Variants in CMSS1 observed in about 807,000 individuals in gnomAD.
CMSS1 encodes the protein protein CMSS1.
CMSS1 carries 33 observed loss-of-function variants against 43.5 expected under a neutral mutation model. The observed-to-expected ratio is 0.76, with a 90% CI of 0.57 to 1.01. The LOEUF (loss-of-function observed/expected upper bound fraction) is 1.01, where lower values mean the gene tolerates loss of function less well. CMSS1 is among the 50% of genes least tolerant of loss of function. The pLI, the probability that CMSS1 is intolerant of heterozygous loss-of-function variation, is 0.00. For missense variants in CMSS1, 313 were observed against 326.4 expected, an observed-to-expected ratio of 0.96 and a Z score of 0.32; for synonymous variants, 115 against 117.2, an observed-to-expected ratio of 0.98 and a Z score of 0.12.
At chr3:99,971,269 C>T (rs567454318) in intron 1 of CMSS1, among the ~76,000 whole-genome samples, 90 of 149,406 alleles carry the variant, frequency 6.0e-4, no homozygotes, top group Admixed American at 1.9e-3. Context: ...GAACCCGGGG[C>T]GCGGAGCTTG....
In CMSS1 at chr3:99,932,528, G is replaced by A. The variant is rs146876572; in HGVS notation, c.64+114485G>A. On this transcript the variant is annotated intron_variant, in intron 1 of 9. Coordinates refer to ENST00000421999, the MANE Select transcript of CMSS1 (RefSeq NM_032359.4). ...AAAAAATGCTACTTCAAACATTCTT[G>A]CACATTTTTTTCCCTTGTGTTAGGT... is the stretch of plus-strand genomic sequence containing the variant. Among the ~76,000 whole-genome samples the A allele has an allele frequency of 7.9e-5, 12 of 151,620 alleles. No individual in the cohort carries two copies. In the East Asian group the frequency reaches 1.7e-3, roughly 22 times the overall value.
At position 99,849,016 on chromosome 3, in the gene CMSS1, A is replaced by G. The variant is rs776867482; in HGVS notation, c.64+30973A>G. ...GCTTAGGACTAGATCTCCAGGTTGCACAAAGTTGGCATTGGGTTTAGTTTG... is the reference window on the plus strand; with the variant it reads ...GCTTAGGACTAGATCTCCAGGTTGCGCAAAGTTGGCATTGGGTTTAGTTTG... On this transcript the variant is annotated intron_variant, in intron 1 of 9. Coordinates refer to ENST00000421999, the MANE Select transcript of CMSS1 (RefSeq NM_032359.4). 1.9e-6 allele frequency: 3 copies of G among 1,614,048 alleles called. No homozygotes were observed. The highest frequency in any genetic ancestry group is 2.7e-5 in the African/African-American group (2 of 74,920).
At chr3:99,874,662 A>G (rs1275306389) in intron 1 of CMSS1, among the ~76,000 whole-genome samples, 1 of 152,250 alleles carries the variant, frequency 6.6e-6, no homozygotes, top group African/African-American at 2.4e-5. Context: ...TGAGGCAAAA[A>G]TGATAGGCAC....
At chr3:100,156,849 T>G (rs1216980849) in intron 2 of CMSS1, among the ~76,000 whole-genome samples, 9 of 151,708 alleles carry the variant, frequency 5.9e-5, no homozygotes, top group African/African-American at 2.2e-4. Flanking sequence ...TCTCCTGACC[T>G]CGTGATCCAC....
chr3:100,119,500 G>A (rs1292911221), intron 1 of CMSS1, among the ~76,000 whole-genome samples: 3 of 152,168 alleles, frequency 2.0e-5, no homozygotes, highest in Non-Finnish European at 4.4e-5. Context: ...CCCCACTAAT[G>A]GGAAGTTCTT....
intron 1 of CMSS1, among the ~76,000 whole-genome samples, chr3:100,127,669 AT>A (rs2066673848): frequency 6.6e-6 from 1 of 152,190 alleles, no homozygotes; most frequent in Non-Finnish European, 1.5e-5. Flanking sequence ...TTATGGGACC[AT>A]CATCTCACTG....
At chr3:100,078,012 A>G (rs1035091948) in intron 1 of CMSS1, among the ~76,000 whole-genome samples, 1 of 152,218 alleles carries the variant, frequency 6.6e-6, no homozygotes, top group African/African-American at 2.4e-5. Flanking sequence ...ACAGCCAGCT[A>G]AAACATTATT....
intron 1 of CMSS1, among the ~76,000 whole-genome samples, chr3:100,111,901 G>T (rs1187387189): frequency 6.6e-6 from 1 of 152,098 alleles, no homozygotes; most frequent in Non-Finnish European, 1.5e-5. Flanking sequence ...TATCTATGTT[G>T]AACAACATGC....
chr3:100,179,012 G>A lies in CMSS1; in HGVS notation c.*624G>A, dbSNP rs542115251. The A allele has an allele frequency of 6.3e-5, 10 of 158,532 alleles. No homozygotes were observed. Among genetic ancestry groups the A allele is most frequent in the South Asian group, 4.0e-4 (2 of 4,998 alleles). The allele number at this position is 158,532 out of a possible 1,614,324, so 9.8% of individuals were successfully genotyped here. A position where few individuals can be genotyped will look rare whatever the true frequency, so the allele number is the denominator to read the frequency against. On this transcript the variant is annotated 3_prime_UTR_variant, in exon 10 of 10. Coordinates refer to ENST00000421999, the MANE Select transcript of CMSS1 (RefSeq NM_032359.4). ...GGAAGCAAGCACATCTTCACATGGC[G>A]ACAAGAGAGCAAGAGAGTGAAGGGA...
chr3:99,891,311 G>T (rs990404096), intron 1 of CMSS1, among the ~76,000 whole-genome samples: 1 of 152,050 alleles, frequency 6.6e-6, no homozygotes, highest in South Asian at 2.1e-4. Flanking sequence ...TTTATGTGGG[G>T]CTGGGAGGAC....
intron 1 of CMSS1, among the ~76,000 whole-genome samples, chr3:99,961,637 T>C (rs1708494269): frequency 6.6e-6 from 1 of 152,182 alleles, no homozygotes; most frequent in African/African-American, 2.4e-5. Context: ...TGGGAACCGA[T>C]ACCTTTGGCC....
chr3:99,824,277 C>A (rs1270004289), intron 1 of CMSS1, among the ~76,000 whole-genome samples: 1 of 152,144 alleles, frequency 6.6e-6, no homozygotes, highest in East Asian at 1.9e-4. Flanking sequence ...CTCAGAGTGG[C>A]GCTTCCTGAT....
Position 99,838,010 on chromosome 3 carries a change from G to A in CMSS1, c.64+19967G>A, listed in dbSNP as rs138939832. 2.8e-4 allele frequency among the ~76,000 whole-genome samples: 42 copies of A among 152,278 alleles called. No individual in the cohort carries two copies. In the East Asian group the frequency reaches 7.9e-3, roughly 29 times the overall value. ...CCGTGAATCATTTTCACTCACTTCT[G>A]ATGCTTTTCTATCCCATCATCTCTG... On this transcript the variant is annotated intron_variant, in intron 1 of 9. Coordinates refer to ENST00000421999, the MANE Select transcript of CMSS1 (RefSeq NM_032359.4).
intron 1 of CMSS1, among the ~76,000 whole-genome samples, chr3:99,932,354 T>G (rs1707509581): frequency 6.6e-6 from 1 of 152,206 alleles, no homozygotes; most frequent in South Asian, 2.1e-4. Context: ...AAAACTTGCT[T>G]TTTCATCCTA....
intron 1 of CMSS1, among the ~76,000 whole-genome samples, chr3:99,910,853 C>G (rs902250530): frequency 1.3e-5 from 2 of 152,112 alleles, no homozygotes; most frequent in Admixed American, 6.5e-5. Context: ...GCCCAAGAAA[C>G]TTGGGCCCAA....
intron 1 of CMSS1, among the ~76,000 whole-genome samples, chr3:99,979,037 C>A (rs1559711675): frequency 6.6e-6 from 1 of 152,038 alleles, no homozygotes; most frequent in Non-Finnish European, 1.5e-5. Flanking sequence ...TGTAGGGCGA[C>A]TAGAGGGTGT....
chr3:99,850,222 G>A, intron 1 of CMSS1: 1 of 1,613,296 alleles, frequency 6.2e-7, no homozygotes, highest in Non-Finnish European at 8.5e-7. Context: ...CTCTTTTAGA[G>A]TGAATTCTGT....
At position 99,933,426 on chromosome 3, in the gene CMSS1, G is replaced by T. The variant is rs28615925; in HGVS notation, c.64+115383G>T. Among the ~76,000 whole-genome samples the T allele has an allele frequency of 5.0e-3, 763 of 152,246 alleles. 6 individuals are homozygous for T. Among genetic ancestry groups the T allele is most frequent in the African/African-American group, 0.017 (720 of 41,542 alleles). On this transcript the variant is annotated intron_variant, in intron 1 of 9. Transcript: ENST00000421999. ...GGGAGGTTGGGGATGTGTAAGAGAT[G>T]AGATTGGGAAAAACCTCATTGTGTG...
chr3:99,832,935 T>C (rs1255201954), intron 1 of CMSS1, among the ~76,000 whole-genome samples: 1 of 151,252 alleles, frequency 6.6e-6, no homozygotes, highest in Non-Finnish European at 1.5e-5. Flanking sequence ...TTAAAATGTG[T>C]CATCTCTTGG....
Sources: gnomAD v4.1 joint callset for allele counts (sites outside exome capture counted in the v4.1 genomes callset) on GRCh38, gnomAD v4.1.1 for gene constraint, MANE v1.5 for transcripts, NCBI Gene and HGNC (gene_info 2026-07-23, HGNC 2026-07-21) for gene names.